TOP6BL: variants seen among roughly 807,000 people sequenced by gnomAD.
TOP6BL encodes the protein TOP6B like initiator of meiotic double strand breaks, also known as type 2 DNA topoisomerase 6 subunit B-like.
At chr11:66,800,064 CAA>C in the TOP6BL span, among the ~76,000 whole-genome samples, 10 of 107,658 alleles carry the variant, frequency 9.3e-5, no homozygotes, top group Non-Finnish European at 9.9e-5. Context: ...GACCCTGTCT[CAA>C]AAAAAAAAAA....
At chr11:66,792,053 G>T in the TOP6BL span, among the ~76,000 whole-genome samples, 1 of 152,084 alleles carries the variant, frequency 6.6e-6, no homozygotes, top group African/African-American at 2.4e-5. Context: ...CTCATGATCC[G>T]CCTGCCTCGG....
chr11:66,827,844 A>AG, the TOP6BL span, among the ~76,000 whole-genome samples: 3 of 151,818 alleles, frequency 2.0e-5, no homozygotes, highest in African/African-American at 7.3e-5. Flanking sequence ...GCATGCCTGT[A>AG]GTCCCAGCTA....
At chr11:66,746,412 C>T in the TOP6BL span, among the ~76,000 whole-genome samples, 3 of 151,884 alleles carry the variant, frequency 2.0e-5, no homozygotes, top group Non-Finnish European at 4.4e-5. Context: ...CATGAGGAAA[C>T]TCCGTCTCTG....
chr11:66,812,219 C>T, the TOP6BL span, among the ~76,000 whole-genome samples: 1 of 137,668 alleles, frequency 7.3e-6, no homozygotes, highest in Non-Finnish European at 1.5e-5. Context: ...CTCTGTCGCC[C>T]AGGCTGGAGT....
chr11:66,747,020 T>C, the TOP6BL span, among the ~76,000 whole-genome samples: 1 of 152,082 alleles, frequency 6.6e-6, no homozygotes, highest in Non-Finnish European at 1.5e-5. Context: ...CACTGTGGCC[T>C]CCACCTCCCG....
At chr11:66,827,791 CCT>C in the TOP6BL span, among the ~76,000 whole-genome samples, 923 of 151,564 alleles carry the variant, frequency 6.1e-3, 6 homozygotes, top group Middle Eastern at 0.021. Flanking sequence ...ATAGTGAAAC[CCT>C]GTCTCTACGA....
At chr11:66,780,407 T>C in the TOP6BL span, among the ~76,000 whole-genome samples, 2 of 152,124 alleles carry the variant, frequency 1.3e-5, no homozygotes, top group African/African-American at 2.4e-5. Flanking sequence ...GAAAATCCTT[T>C]AGCAAATCTT....
chr11:66,758,293 TTTC>T, the TOP6BL span: 2 of 131,918 alleles, frequency 1.5e-5, no homozygotes, highest in Non-Finnish European at 2.8e-5. Flanking sequence ...ATACTGGTAT[TTTC>T]TTTTTCTTTT....
At chr11:66,769,914 T>C in the TOP6BL span, among the ~76,000 whole-genome samples, 3 of 151,444 alleles carry the variant, frequency 2.0e-5, no homozygotes, top group African/African-American at 7.3e-5. Flanking sequence ...CTAATTTTTT[T>C]TTTTGTATTT....
At chr11:66,821,555 C>T in the TOP6BL span, 2 of 1,436,242 alleles carry the variant, frequency 1.4e-6, no homozygotes, top group Non-Finnish European at 9.5e-7. Flanking sequence ...GATTACAGGC[C>T]ACATCTGGTA....
At chr11:66,786,991 T>C in the TOP6BL span, among the ~76,000 whole-genome samples, 3 of 151,476 alleles carry the variant, frequency 2.0e-5, no homozygotes, top group Admixed American at 6.6e-5. Flanking sequence ...TGGAGTGCAA[T>C]GGCACGATCT....
At chr11:66,803,191 G>A in the TOP6BL span, among the ~76,000 whole-genome samples, 11 of 152,296 alleles carry the variant, frequency 7.2e-5, no homozygotes, top group Admixed American at 7.2e-4. Flanking sequence ...TAGGCCATTT[G>A]TGATTCATGG....
At chr11:66,804,866 T>G in the TOP6BL span, among the ~76,000 whole-genome samples, 14 of 151,658 alleles carry the variant, frequency 9.2e-5, no homozygotes, top group Non-Finnish European at 2.1e-4. Context: ...GGTCAGGACT[T>G]GGAGACCAGC....
chr11:66,811,415 C>T, the TOP6BL span, among the ~76,000 whole-genome samples: 18 of 152,222 alleles, frequency 1.2e-4, no homozygotes, highest in Non-Finnish European at 2.2e-4. Flanking sequence ...TGGTCTCGAA[C>T]TCCTGACCTC....
chr11:66,750,687 G>A, the TOP6BL span, among the ~76,000 whole-genome samples: 15 of 151,358 alleles, frequency 9.9e-5, no homozygotes, highest in African/African-American at 3.6e-4. Context: ...TAAGTAACAT[G>A]TTTGTGTTGT....
the TOP6BL span, among the ~76,000 whole-genome samples, chr11:66,832,484 G>A: frequency 6.6e-6 from 1 of 152,190 alleles, no homozygotes; most frequent in Non-Finnish European, 1.5e-5. Flanking sequence ...TTTCCTGATT[G>A]GGTGGGGAAG....
chr11:66,767,329 T>C, the TOP6BL span, among the ~76,000 whole-genome samples: 1 of 152,248 alleles, frequency 6.6e-6, no homozygotes, highest in Non-Finnish European at 1.5e-5. Flanking sequence ...GAACTATTTC[T>C]ATCATAAATG....
the TOP6BL span, among the ~76,000 whole-genome samples, chr11:66,777,976 T>A: frequency 6.6e-6 from 1 of 152,230 alleles, no homozygotes; most frequent in Admixed American, 6.5e-5. Context: ...ATATTTAAGC[T>A]AATTTACAAG....
At chr11:66,789,387 A>G in the TOP6BL span, among the ~76,000 whole-genome samples, 2 of 152,188 alleles carry the variant, frequency 1.3e-5, no homozygotes, top group African/African-American at 4.8e-5. Flanking sequence ...TGGTGGAGAC[A>G]TAACGAATTA....
Sources: gnomAD v4.1 joint callset for allele counts (sites outside exome capture counted in the v4.1 genomes callset) on GRCh38, gnomAD v4.1.1 for gene constraint, MANE v1.5 for transcripts, NCBI Gene and HGNC (gene_info 2026-07-23, HGNC 2026-07-21) for gene names.